The following TRIM23 variants were observed in gnomAD, a reference collection of about 807,000 sequenced individuals.
The protein encoded by TRIM23 is tripartite motif containing 23, also known as E3 ubiquitin-protein ligase TRIM23.
A neutral mutation model predicts 71.0 loss-of-function variants in TRIM23; 27 were observed. The ratio of observed to expected loss-of-function variants is 0.38; its 90% CI spans 0.28 to 0.52. The LOEUF is 0.52. TRIM23 is among the 20% of genes least tolerant of loss of function. The pLI, the probability that TRIM23 is intolerant of heterozygous loss-of-function variation, is 0.84. For missense variants in TRIM23, 482 were observed against 692.3 expected (o/e 0.70, Z 3.41); for synonymous variants, 234 against 238.0 (o/e 0.98, Z 0.16).
chr5:65,622,682 T>A (rs533280018), intron 1 of TRIM23, among the ~76,000 whole-genome samples: 15 of 152,312 alleles, frequency 9.8e-5, no homozygotes, highest in Admixed American at 3.9e-4. Flanking sequence ...TACTACAAAT[T>A]ATGGCATGAA....
rs541838054 is a variant in TRIM23, at chr5:65,599,871, A to G, written c.1180-2691T>C. Among the ~76,000 whole-genome samples the G allele has an allele frequency of 4.6e-5, 7 of 152,328 alleles. 1 individual carries two copies. In the South Asian group the frequency reaches 1.4e-3, roughly 32 times the overall value. On this transcript the variant is annotated intron_variant, in intron 7 of 10. Coordinates refer to ENST00000231524, the MANE Select transcript of TRIM23 (RefSeq NM_001656.4). Reference sequence around the variant, plus strand: ...AGCTAATGTATTGTTCTGTTTTTGCACTGCTATAAAGAAATACCTGAGACT... The same window carrying G: ...AGCTAATGTATTGTTCTGTTTTTGCGCTGCTATAAAGAAATACCTGAGACT...
Position 65,609,421 on chromosome 5 carries a change from C to T in TRIM23, c.866G>A (p.Arg289Gln), listed in dbSNP as rs752496483. ...GTAENARSCI[R>Q]AYFYDLHETL... ...TTCATGTAGATCATAAAAATAAGCTCGAATACATGACCGGGCATTCTCTGC... is the reference window on the plus strand; with the variant it reads ...TTCATGTAGATCATAAAAATAAGCTTGAATACATGACCGGGCATTCTCTGC... The change falls in exon 6 of 11, where the codon CGA becomes CAA. Residue 289 changes from arginine to glutamine, a missense_variant. By Grantham distance (43) the Arg-to-Gln change is conservative (BLOSUM62 1). This residue lies in a region of TRIM23 where 307 missense variants were observed against 495.8 expected (regional missense o/e 0.62). Coordinates refer to ENST00000231524, the MANE Select transcript of TRIM23 (RefSeq NM_001656.4). 9 of 1,613,860 alleles carry T rather than the reference C, an allele frequency of 5.6e-6. No individual in the cohort carries two copies. The highest frequency in any genetic ancestry group is 1.1e-5 in the South Asian group (1 of 91,074).
intron 1 of TRIM23, among the ~76,000 whole-genome samples, chr5:65,620,965 G>A (rs1754919832): frequency 1.3e-5 from 2 of 151,966 alleles, no homozygotes; most frequent in Admixed American, 6.6e-5. Flanking sequence ...AGGAGGTCGA[G>A]GTTGCTATGA....
chr5:65,611,158 C>A, intron 4 of TRIM23, 115 bp from the exon 5 acceptor site: 3 of 926,600 alleles, frequency 3.2e-6, no homozygotes, highest in Admixed American at 3.5e-5. Context: ...ACTTTTATGA[C>A]ACAGAAAAAT....
chr5:65,605,170 G>C, intron 6 of TRIM23, 125 bp from the exon 7 acceptor site: 2 of 886,550 alleles, frequency 2.3e-6, no homozygotes, highest in East Asian at 2.8e-5. Flanking sequence ...ATGTAAATTT[G>C]ACAAAAATAA....
intron 7 of TRIM23, among the ~76,000 whole-genome samples, chr5:65,600,672 T>G: frequency 6.6e-6 from 1 of 151,014 alleles, no homozygotes; most frequent in Non-Finnish European, 1.5e-5. Flanking sequence ...TTTACAATTT[T>G]TGTGCATAAA....
chr5:65,597,881 A>C (rs1460173630), intron 7 of TRIM23, among the ~76,000 whole-genome samples: 1 of 152,182 alleles, frequency 6.6e-6, no homozygotes, highest in Non-Finnish European at 1.5e-5. Context: ...CATCTCATAA[A>C]AGGAGGATTA....
intron 3 of TRIM23, among the ~76,000 whole-genome samples, chr5:65,613,342 G>T (rs962291544): frequency 6.6e-6 from 1 of 152,128 alleles, no homozygotes; most frequent in Non-Finnish European, 1.5e-5. Context: ...TTAGTATAAA[G>T]AAATCATCAT....
At chr5:65,594,783 G>C (rs2292154) in intron 9 of TRIM23, 138 bp from the exon 10 acceptor site, 1 of 719,366 alleles carries the variant, frequency 1.4e-6, no homozygotes, top group South Asian at 2.9e-5. Context: ...AGGGTGCCTA[G>C]TATGGCAGGG....
At chr5:65,620,788 T>TG (rs1163097558) in intron 1 of TRIM23, among the ~76,000 whole-genome samples, 1 of 90,394 alleles carries the variant, frequency 1.1e-5, no homozygotes, top group East Asian at 2.4e-4. Context: ...GTTATCAAAT[T>TG]CTTTAGGCCA....
rs538890723 is a variant in TRIM23, at chr5:65,620,249, T to C, written c.82-1994A>G. On this transcript the variant is annotated intron_variant, in intron 1 of 10. Coordinates refer to ENST00000231524, the MANE Select transcript of TRIM23 (RefSeq NM_001656.4). ...TGTTTATTGAGCAATACAGCTTCTA[T>C]GGAGGGCAACTTGACAATACTTACC... 2.6e-5 allele frequency among the ~76,000 whole-genome samples: 4 copies of C among 152,268 alleles called. No individual in the cohort carries two copies. In the South Asian group the frequency reaches 6.2e-4, roughly 24 times the overall value.
chr5:65,600,360 C>T (rs1278019609), intron 7 of TRIM23, among the ~76,000 whole-genome samples: 1 of 151,976 alleles, frequency 6.6e-6, no homozygotes, highest in Admixed American at 6.6e-5. Context: ...CAGAAATAAA[C>T]CCTCAGGAAT....
Position 65,591,051 on chromosome 5 carries a change from C to T in TRIM23, c.*718G>A. Reference sequence around the variant, plus strand: ...AATGGGTCTTTCATAAATTCAGATCCAATTACTTCCACAGTTTTATTACTG... The same window carrying T: ...AATGGGTCTTTCATAAATTCAGATCTAATTACTTCCACAGTTTTATTACTG... On this transcript the variant is annotated 3_prime_UTR_variant, in exon 11 of 11. Coordinates refer to ENST00000231524, the MANE Select transcript of TRIM23 (RefSeq NM_001656.4). 1.0e-6 allele frequency: 1 copy of T among 989,964 alleles called. No homozygotes were observed. The highest frequency in any genetic ancestry group is 1.2e-6 in the Non-Finnish European group (1 of 833,146). The allele number at this position is 989,964 out of a possible 1,614,324, so 61.3% of individuals were successfully genotyped here.
intron 2 of TRIM23, among the ~76,000 whole-genome samples, chr5:65,615,334 C>T (rs1754751523): frequency 6.6e-6 from 1 of 152,170 alleles, no homozygotes; most frequent in African/African-American, 2.4e-5. Context: ...TAACCCAGGA[C>T]AACATACACA....
At chr5:65,615,980 G>A (rs927549705) in intron 2 of TRIM23, among the ~76,000 whole-genome samples, 5 of 152,090 alleles carry the variant, frequency 3.3e-5, no homozygotes, top group Non-Finnish European at 5.9e-5. Flanking sequence ...CCACCTCACT[G>A]CAGCAAGGAG....
intron 7 of TRIM23, among the ~76,000 whole-genome samples, chr5:65,599,087 T>G (rs1754290085): frequency 6.6e-6 from 1 of 151,742 alleles, no homozygotes; most frequent in South Asian, 2.1e-4. Flanking sequence ...GCAAGAAGAA[T>G]AATAAAAGAC....
At chr5:65,606,286 A>G (rs974305756) in intron 6 of TRIM23, among the ~76,000 whole-genome samples, 2 of 152,038 alleles carry the variant, frequency 1.3e-5, no homozygotes, top group Non-Finnish European at 2.9e-5. Context: ...TCTACGAAAA[A>G]TACAAAAAAA....
At chr5:65,623,194 GA>G (rs758382541) in intron 1 of TRIM23, among the ~76,000 whole-genome samples, 1 of 152,104 alleles carries the variant, frequency 6.6e-6, no homozygotes, top group South Asian at 2.1e-4. Flanking sequence ...TTCAAGATGT[GA>G]AAAAAACTTC....
Position 65,591,440 on chromosome 5 carries a change from T to C in TRIM23, c.*329A>G, listed in dbSNP as rs758112708. 1 of 1,595,226 alleles carries C rather than the reference T, an allele frequency of 6.3e-7. No individual in the cohort carries two copies. Among genetic ancestry groups the C allele is most frequent in the Non-Finnish European group, 8.5e-7 (1 of 1,171,874 alleles). ...CTTTTTTCACTGAAAGAATAAACCT[T>C]CACTTACCCTTTCTCTGTGACTACC... On this transcript the variant is annotated 3_prime_UTR_variant, in exon 11 of 11. Coordinates refer to ENST00000231524, the MANE Select transcript of TRIM23 (RefSeq NM_001656.4).
Sources: gnomAD v4.1 joint callset for allele counts (sites outside exome capture counted in the v4.1 genomes callset) on GRCh38, gnomAD v4.1.1 for gene constraint, gnomAD v4.1.1 regional missense constraint, MANE v1.5 for transcripts, NCBI Gene and HGNC (gene_info 2026-07-23, HGNC 2026-07-21) for gene names.